The following MANSC1 variants were observed in gnomAD, a reference collection of about 807,000 sequenced individuals.
MANSC1 encodes MANSC domain-containing protein 1.
In MANSC1, 13 loss-of-function variants were observed where a neutral mutation model predicts 14.1. The observed-to-expected ratio is 0.92, with a 90% confidence interval of 0.60 to 1.46. The LOEUF (loss-of-function observed/expected upper bound fraction) is 1.46, where lower values mean the gene tolerates loss of function less well. Among genes scored for constraint, MANSC1 ranks in the 40% most tolerant of loss-of-function variants. The pLI is 0.00. For synonymous variants in MANSC1, 227 were observed against 200.7 expected, an observed-to-expected ratio of 1.13 and a Z score of -1.11; for missense variants, 486 against 511.4, an observed-to-expected ratio of 0.95 and a Z score of 0.48.
rs1862749532 is a variant in MANSC1, at chr12:12,329,289, ATTTAAT to A, written c.*732_*737del. ...TGAGTAACAAAAGATTTATTCAAAT[ATTTAAT>A]TGGAAGGAACTACATCTGGAATAAG... On this transcript the variant is annotated 3_prime_UTR_variant, in exon 4 of 4. Coordinates refer to ENST00000535902, the MANE Select transcript of MANSC1 (RefSeq NM_018050.4). 6.6e-6 allele frequency: 1 copy of A among 152,226 alleles called. No individual in the cohort carries two copies. Among genetic ancestry groups the A allele is most frequent in the African/African-American group, 2.4e-5 (1 of 41,458 alleles). 9.4% of individuals were successfully genotyped at this position (152,226 alleles called of 1,614,324 possible).
chr12:12,345,315 C>A lies in MANSC1; in HGVS notation c.-100-1901G>T, dbSNP rs1311233684. Among the ~76,000 whole-genome samples the A allele has an allele frequency of 4.7e-5, 6 of 128,508 alleles. No individual in the cohort carries two copies. In the South Asian group the frequency reaches 1.5e-3, roughly 31 times the overall value. The allele number at this position is 128,508 out of a possible 152,430, so 84.3% of individuals were successfully genotyped here. Reference sequence around the variant, plus strand: ...AGCCTGGGTGACAAGAGCAAAACTCCGTCTCAAAAAAAAAAAAAAAAGCTA... The same window carrying A: ...AGCCTGGGTGACAAGAGCAAAACTCAGTCTCAAAAAAAAAAAAAAAAGCTA... On this transcript the variant is annotated intron_variant, in intron 1 of 3. Transcript: ENST00000535902.
Position 12,330,613 on chromosome 12 carries a change from G to C in MANSC1, c.710C>G (p.Thr237Ser). 6.2e-7 allele frequency: 1 copy of C among 1,614,172 alleles called. No homozygotes were observed. The highest frequency in any genetic ancestry group is 8.5e-7 in the Non-Finnish European group (1 of 1,180,020). The change falls in exon 4 of 4, where the codon ACC (threonine) becomes AGC (serine). Residue 237 changes from threonine (T) to serine (S), a missense_variant. Thr to Ser is a moderately conservative substitution (Grantham distance 58, BLOSUM62 1). Transcript: ENST00000535902. ...GGCGGGCTTTGGAGTAGCCGAGGTG[G>C]TATGTGGAGAAGCAACTGCCACCGT... ...PATVAVASPH[T>S]TSATPKPATL...
rs1308653829 is a variant in MANSC1 at position 12,343,087 on chromosome 12, T to G, written c.223+5A>C. 19 of 1,605,312 alleles carry G rather than the reference T, an allele frequency of 1.2e-5. No homozygotes were observed. Among genetic ancestry groups the G allele is most frequent in the Non-Finnish European group, 1.5e-5 (18 of 1,172,434 alleles). ...ACAAAGGATTGCCAAGAAACCACTA[T>G]TTACCTGATATGTTTTTTGTTGAAC... On this transcript the variant is annotated splice_donor_5th_base_variant and intron_variant, in intron 2 of 3. Coordinates refer to ENST00000535902, the MANE Select transcript of MANSC1 (RefSeq NM_018050.4).
intron 1 of MANSC1, among the ~76,000 whole-genome samples, chr12:12,344,942 T>TAC (rs1478142626): frequency 1.1e-5 from 1 of 93,880 alleles, no homozygotes; most frequent in East Asian, 3.4e-4. Flanking sequence ...TATATATATA[T>TAC]ATATATATAT....
At chr12:12,334,655 C>T (rs891442781) in intron 3 of MANSC1, among the ~76,000 whole-genome samples, 5 of 152,212 alleles carry the variant, frequency 3.3e-5, no homozygotes, top group African/African-American at 1.2e-4. Context: ...GATTTATGCA[C>T]ATGCCAAGTT....
chr12:12,337,465 G>C (rs1376211058), intron 3 of MANSC1, among the ~76,000 whole-genome samples: 1 of 151,940 alleles, frequency 6.6e-6, no homozygotes, highest in Non-Finnish European at 1.5e-5. Context: ...GGAGGCTGAG[G>C]CGGGAGAATG....
At position 12,330,298 on chromosome 12, in the gene MANSC1, G is replaced by C; in HGVS notation, c.1025C>G (p.Ser342Cys). 6.2e-7 allele frequency: 1 copy of C among 1,614,234 alleles called. No individual in the cohort carries two copies. Among genetic ancestry groups the C allele is most frequent in the South Asian group, 1.1e-5 (1 of 91,088 alleles). Residue 342 changes from serine to cysteine, a missense_variant, in exon 4 of 4, where the codon TCT (serine) becomes TGT (cysteine). Coordinates refer to ENST00000535902, the MANE Select transcript of MANSC1 (RefSeq NM_018050.4). Reference protein sequence around the residue: ...TGNVYNPTALSMSNVESSTMN... With the variant: ...TGNVYNPTALCMSNVESSTMN... ...AGTGGAAGACTCCACATTTGACATA[G>C]AAAGTGCAGTAGGGTTATACACATT...
In MANSC1 at chr12:12,330,644, G is replaced by T. The variant is rs1862774161; in HGVS notation, c.679C>A (p.Pro227Thr). The T allele has an allele frequency of 1.9e-6, 3 of 1,614,016 alleles. No homozygotes were observed. In the South Asian group the frequency reaches 3.3e-5, roughly 18 times the overall value. Residue 227 changes from proline (P) to threonine (T), a missense_variant, in exon 4 of 4, where the codon CCA becomes ACA. By Grantham distance (38) the Pro-to-Thr change is conservative. Coordinates refer to ENST00000535902, the MANE Select transcript of MANSC1 (RefSeq NM_018050.4). ...HLLPENVSALPATVAVASPHT... is the reference protein window; with the variant it reads ...HLLPENVSALTATVAVASPHT... ...GGAGAAGCAACTGCCACCGTAGCTGGGAGCGCACTCACATTTTCAGGCAGC... is the reference window on the plus strand; with the variant it reads ...GGAGAAGCAACTGCCACCGTAGCTGTGAGCGCACTCACATTTTCAGGCAGC...
rs138574718 is a variant in MANSC1, at chr12:12,330,730, T to C, written c.593A>G (p.Tyr198Cys). Residue 198 changes from tyrosine to cysteine, a missense_variant, in exon 4 of 4, where the codon TAT (tyrosine) becomes TGT (cysteine). Tyr to Cys is a radical substitution (Grantham distance 194). Coordinates refer to ENST00000535902, the MANE Select transcript of MANSC1 (RefSeq NM_018050.4). ...MDEASAQLLA[Y>C]KEKGHSQSSQ... is the part of the protein sequence containing the mutation. ...ACTCTGAGAATGGCCTTTTTCCTTA[T>C]AAGCAAGGAGCTGGGCACTTGCTTC... 3.8e-5 allele frequency: 61 copies of C among 1,614,196 alleles called. No individual in the cohort carries two copies. The African/African-American group carries it at 6.7e-4, about 18-fold the overall frequency.
intron 3 of MANSC1, 67 bp downstream of exon 3, chr12:12,338,353 A>T (rs1194714316): frequency 3.6e-6 from 5 of 1,372,582 alleles, no homozygotes; most frequent in Non-Finnish European, 4.9e-6. Context: ...TCTTGTAGAA[A>T]ATCTTTCACA....
rs1043866745 is a variant in MANSC1 at position 12,329,185 on chromosome 12, T to C, written c.*842A>G. ...TTGTCATTTTAACGTGGAACGCATATTTTCACCACATAATCATTTTGCTAG... is the reference window on the plus strand; with the variant it reads ...TTGTCATTTTAACGTGGAACGCATACTTTCACCACATAATCATTTTGCTAG... On this transcript the variant is annotated 3_prime_UTR_variant, in exon 4 of 4. Transcript: ENST00000535902. 2.0e-5 allele frequency: 3 copies of C among 152,124 alleles called. No individual in the cohort carries two copies. Among genetic ancestry groups the C allele is most frequent in the African/African-American group, 7.2e-5 (3 of 41,410 alleles). The allele number at this position is 152,124 out of a possible 1,614,324, so 9.4% of individuals were successfully genotyped here. A position where few individuals can be genotyped will look rare whatever the true frequency, so the allele number is the denominator to read the frequency against.
At chr12:12,335,855 A>AAT (rs1565797131) in intron 3 of MANSC1, among the ~76,000 whole-genome samples, 2 of 151,568 alleles carry the variant, frequency 1.3e-5, no homozygotes, top group East Asian at 2.0e-4. Context: ...AAAAAAAATA[A>AAT]AAATAAAACT....
Position 12,342,576 on chromosome 12 carries a change from GTTTTTTTGTTTTTTTTT to G in MANSC1, c.223+499_223+515del, listed in dbSNP as rs1335084577. On this transcript the variant is annotated intron_variant, in intron 2 of 3. Transcript: ENST00000535902. ...AAGCTGTAGTTACCTAGTAGTCAGT[GTTTTTTTGTTTTTTTTT>G]TTTTTTTTTTTTTTTGACTTATCCT... Among the ~76,000 whole-genome samples the G allele has an allele frequency of 1.2e-4, 12 of 103,982 alleles. 1 individual carries two copies. Among genetic ancestry groups the G allele is most frequent in the Admixed American group, 7.9e-4 (7 of 8,900 alleles). 68.2% of individuals were successfully genotyped at this position (103,982 alleles called of 152,430 possible). A position where few individuals can be genotyped will look rare whatever the true frequency, so the allele number is the denominator to read the frequency against.
rs536426090 is a variant in MANSC1, at chr12:12,333,059, A to ATATATATATATATTTT, written c.365-2102_365-2101insAAAATATATATATATA. Among the ~76,000 whole-genome samples the ATATATATATATATTTT allele has an allele frequency of 7.6e-3, 1,143 of 150,866 alleles. 14 individuals carry two copies. Among genetic ancestry groups the ATATATATATATATTTT allele is most frequent in the African/African-American group, 0.026 (1,056 of 41,080 alleles). On this transcript the variant is annotated intron_variant, in intron 3 of 3. Coordinates refer to ENST00000535902, the MANE Select transcript of MANSC1 (RefSeq NM_018050.4). ...TATATTTGAAAATATATATATATAT[A>ATATATATATATATTTT]TTTTTGAGACAGGGTCTTGCTCTGT...
chr12:12,343,824 A>G (rs35626354), intron 1 of MANSC1, among the ~76,000 whole-genome samples: 12,515 of 152,092 alleles, frequency 0.082, 1,196 homozygotes, highest in East Asian at 0.34. Context: ...AAAATCATCT[A>G]CTAGGGGCTA....
At chr12:12,336,343 C>T (rs1380469742) in intron 3 of MANSC1, among the ~76,000 whole-genome samples, 1 of 152,210 alleles carries the variant, frequency 6.6e-6, no homozygotes, top group African/African-American at 2.4e-5. Flanking sequence ...GATCTCCTCA[C>T]ATCTGGCTCC....
intron 3 of MANSC1, among the ~76,000 whole-genome samples, chr12:12,338,202 A>C (rs977656091): frequency 1.3e-5 from 2 of 152,220 alleles, no homozygotes; most frequent in African/African-American, 2.4e-5. Context: ...CTTTTATCTC[A>C]TGAAGGTAAA....
chr12:12,343,260 G>A lies in MANSC1; in HGVS notation c.55C>T (p.Leu19=). ...TGACTAGCAGACAGCCTTAGTGTCA[G>A]GAAGCAAATTATTACCAAAGTGTAA... is the stretch of plus-strand genomic sequence containing the variant. ...LTYTLVIICF[L]TLRLSASQNC... Residue 19 remains leucine (L), a synonymous_variant, in exon 2 of 4, where the codon CTG becomes TTG. Transcript: ENST00000535902. 6.2e-7 allele frequency: 1 copy of A among 1,614,080 alleles called. No individual in the cohort carries two copies. Among genetic ancestry groups the A allele is most frequent in the Non-Finnish European group, 8.5e-7 (1 of 1,179,998 alleles).
intron 1 of MANSC1, 96 bp from the exon 2 acceptor site, chr12:12,343,510 C>T: frequency 1.8e-6 from 1 of 542,566 alleles, no homozygotes; most frequent in Non-Finnish European, 3.3e-6. Context: ...AAAGGATCCA[C>T]ATACAATTTA....
Sources: gnomAD v4.1 joint callset for allele counts (sites outside exome capture counted in the v4.1 genomes callset) on GRCh38, gnomAD v4.1.1 for gene constraint, MANE v1.5 for transcripts, NCBI Gene and HGNC (gene_info 2026-07-23, HGNC 2026-07-21) for gene names.